The following KAT7 variants were observed in gnomAD, a reference collection of about 807,000 sequenced individuals.
The protein encoded by KAT7 is lysine acetyltransferase 7.
In KAT7, 10 loss-of-function variants were observed where a neutral mutation model predicts 82.1. That is an observed-to-expected ratio of 0.12 (90% CI 0.08 to 0.21). The LOEUF is 0.21. Ranked by LOEUF, KAT7 falls within the 10% of genes least tolerant of loss-of-function variation. The probability of loss-of-function intolerance (pLI) is 1.00; values close to 1 mark genes in which losing one functional copy is unlikely to be tolerated. For synonymous variants in KAT7, 250 were observed against 262.5 expected, an observed-to-expected ratio of 0.95 and a Z score of 0.46; for missense variants, 378 against 760.9, an observed-to-expected ratio of 0.50 and a Z score of 5.92.
chr17:49,790,931 T>C (rs1739004076), intron 1 of KAT7, among the ~76,000 whole-genome samples: 1 of 152,226 alleles, frequency 6.6e-6, no homozygotes, highest in Non-Finnish European at 1.5e-5. Flanking sequence ...AGTGCTTAAT[T>C]GATAAAAGTT....
intron 7 of KAT7, among the ~76,000 whole-genome samples, chr17:49,813,319 T>G (rs2074193003): frequency 6.6e-6 from 1 of 152,204 alleles, no homozygotes; most frequent in Non-Finnish European, 1.5e-5. Context: ...GATAATGGCC[T>G]CCAGTTGCAT....
At chr17:49,818,311 C>G (rs2074258744) in intron 9 of KAT7, among the ~76,000 whole-genome samples, 1 of 152,154 alleles carries the variant, frequency 6.6e-6, no homozygotes, top group Non-Finnish European at 1.5e-5. Context: ...TATGAATTAC[C>G]TCTGCCCACA....
chr17:49,795,978 T>TA (rs59446658), intron 2 of KAT7, among the ~76,000 whole-genome samples: 87 of 149,104 alleles, frequency 5.8e-4, no homozygotes, highest in South Asian at 8.5e-4. Context: ...TGTCTCTTTA[T>TA]AAAAAAAAAA....
Position 49,830,363 on chromosome 17 carries a change from A to T in KAT7, c.*2861A>T, listed in dbSNP as rs1402939957. 6.6e-6 allele frequency: 1 copy of T among 150,748 alleles called. No individual in the cohort carries two copies. The highest frequency in any genetic ancestry group is 1.5e-5 in the Non-Finnish European group (1 of 67,826). 9.3% of individuals were successfully genotyped at this position (150,748 alleles called of 1,614,324 possible). Reference sequence around the variant, plus strand: ...TGCAGGCCACCTGGCTAATTTTTGTATGTTTAGTAGAGACAGGGTTTTGCC... The same window carrying T: ...TGCAGGCCACCTGGCTAATTTTTGTTTGTTTAGTAGAGACAGGGTTTTGCC... On this transcript the variant is annotated 3_prime_UTR_variant, in exon 15 of 15. Coordinates refer to ENST00000259021, the MANE Select transcript of KAT7 (RefSeq NM_007067.5).
chr17:49,819,303 A>G (rs1435784551), intron 9 of KAT7, among the ~76,000 whole-genome samples: 1 of 152,144 alleles, frequency 6.6e-6, no homozygotes, highest in Non-Finnish European at 1.5e-5. Context: ...GGCACACTTG[A>G]CTGCATAGGG....
Position 49,788,746 on chromosome 17 carries a change from C to CA in KAT7, c.-88dup, listed in dbSNP as rs534217280. On this transcript the variant is annotated 5_prime_UTR_variant, in exon 1 of 15. Transcript: ENST00000259021. The stretch of plus-strand genomic sequence containing the variant: ...ATCGTCCGCAGGATTGGGACTGATA[C>CA]AGAGGCCGCCACGGAGCCCGCCGGA... 1,255 of 1,436,002 alleles carry CA rather than the reference C, an allele frequency of 8.7e-4. 8 individuals are homozygous for CA. The Middle Eastern group carries it at 0.012, about 14-fold the overall frequency. 89.0% of individuals were successfully genotyped at this position (1,436,002 alleles called of 1,614,324 possible).
At chr17:49,801,498 C>CT (rs890659929) in intron 4 of KAT7, among the ~76,000 whole-genome samples, 18 of 150,818 alleles carry the variant, frequency 1.2e-4, no homozygotes, top group African/African-American at 2.0e-4. Context: ...CCAAAGTATC[C>CT]TTTTTTTTTG....
chr17:49,798,143 A>G (rs1328950341), intron 3 of KAT7, among the ~76,000 whole-genome samples, 176 bp from the exon 4 acceptor site: 2 of 152,258 alleles, frequency 1.3e-5, no homozygotes, highest in African/African-American at 4.8e-5. Context: ...AAGTTGCACA[A>G]AATGGATGGT....
chr17:49,793,236 A>G (rs1342328333), intron 2 of KAT7, among the ~76,000 whole-genome samples: 2 of 152,244 alleles, frequency 1.3e-5, no homozygotes, highest in African/African-American at 4.8e-5. Context: ...GCCCACTTCT[A>G]AAACCATGTT....
chr17:49,827,337 G>A (rs1439583336), intron 14 of KAT7, 64 bp from the exon 15 acceptor site: 2 of 939,364 alleles, frequency 2.1e-6, no homozygotes, highest in Non-Finnish European at 3.5e-6. Context: ...TAGTTATTTT[G>A]GAATCTATGT....
chr17:49,825,427 A>T (rs2074357185), intron 12 of KAT7, among the ~76,000 whole-genome samples: 1 of 152,214 alleles, frequency 6.6e-6, no homozygotes, highest in Non-Finnish European at 1.5e-5. Context: ...CATTATCAAA[A>T]TAATGGTGAA....
Position 49,815,800 on chromosome 17 carries a change from T to C in KAT7, c.853-3T>C, listed in dbSNP as rs2074226455. 3.2e-6 allele frequency: 5 copies of C among 1,579,452 alleles called. No homozygotes were observed. Among genetic ancestry groups the C allele is most frequent in the Non-Finnish European group, 4.3e-6 (5 of 1,150,030 alleles). ...GAGTATCACGCTCTGGTTATTTTCC[T>C]AGGAACACAGACAGACCTATGGGAA... On this transcript the variant is annotated splice_region_variant and splice_polypyrimidine_tract_variant and intron_variant, in intron 7 of 14. Coordinates refer to ENST00000259021, the MANE Select transcript of KAT7 (RefSeq NM_007067.5).
Position 49,788,802 on chromosome 17 carries a change from C to T in KAT7, c.-33C>T. The T allele has an allele frequency of 6.3e-7, 1 of 1,577,250 alleles. No homozygotes were observed. The highest frequency in any genetic ancestry group is 8.6e-7 in the Non-Finnish European group (1 of 1,161,340). On this transcript the variant is annotated 5_prime_UTR_variant, in exon 1 of 15. Transcript: ENST00000259021. ...CGTTCCTGCTGCTGCCGCCGCTGCC[C>T]GAATCGGAACCGTCGGGCCGCAGCC...
At chr17:49,823,571 A>G (rs1037823898) in intron 12 of KAT7, 5 of 332,152 alleles carry the variant, frequency 1.5e-5, no homozygotes, top group Non-Finnish European at 2.2e-5. Context: ...ACTTTTAAAC[A>G]GCACATACAT....
intron 12 of KAT7, among the ~76,000 whole-genome samples, chr17:49,825,154 C>A (rs2074353939): frequency 6.6e-6 from 1 of 151,992 alleles, no homozygotes; most frequent in Non-Finnish European, 1.5e-5. Context: ...TAAAAGGGTT[C>A]CCCAGATTAT....
rs2074399312 is a variant in KAT7 at position 49,828,889 on chromosome 17, C to G, written c.*1387C>G. The G allele has an allele frequency of 6.5e-6, 1 of 153,338 alleles. No homozygotes were observed. Among genetic ancestry groups the G allele is most frequent in the South Asian group, 2.1e-4 (1 of 4,830 alleles). The allele number at this position is 153,338 out of a possible 1,614,324, so 9.5% of individuals were successfully genotyped here. A position where few individuals can be genotyped will look rare whatever the true frequency, so the allele number is the denominator to read the frequency against. On this transcript the variant is annotated 3_prime_UTR_variant, in exon 15 of 15. Coordinates refer to ENST00000259021, the MANE Select transcript of KAT7 (RefSeq NM_007067.5). ...GTCATCTCTGTACACTACTTATATTCACTGTGGGTTGGGGGAGCTAATTTT... is the reference window on the plus strand; with the variant it reads ...GTCATCTCTGTACACTACTTATATTGACTGTGGGTTGGGGGAGCTAATTTT...
intron 11 of KAT7, 70 bp downstream of exon 11, chr17:49,821,860 C>G (rs1323088535): frequency 7.2e-7 from 1 of 1,387,188 alleles, no homozygotes; most frequent in African/African-American, 1.4e-5. Context: ...GTTGGGGGCT[C>G]AAATCACTGA....
In KAT7 at chr17:49,823,518, A is replaced by G. The variant is rs12941596; in HGVS notation, c.1480+223A>G. 0.033 allele frequency: 15,321 copies of G among 459,520 alleles called. 373 individuals carry two copies. The highest frequency in any genetic ancestry group is 0.04 in the Non-Finnish European group (10,181 of 255,412). 28.5% of individuals were successfully genotyped at this position (459,520 alleles called of 1,614,324 possible). On this transcript the variant is annotated intron_variant, in intron 12 of 14. Transcript: ENST00000259021. ...CTCCTCCTTAATGAGTAGGAGGTAC[A>G]GAGGATGATAAAGTAAGCTCTTTAG...
chr17:49,798,496 G>A lies in KAT7; in HGVS notation c.518G>A (p.Arg173His). ...GATCTCTCTCATCGCCCCAAGCGCC[G>A]TCGCTTCCATGAAAGCTACAACTTC... ...GSDLSHRPKRRRFHESYNFNM... is the reference protein window; with the variant it reads ...GSDLSHRPKRHRFHESYNFNM... Residue 173 changes from arginine to histidine, a missense_variant, in exon 4 of 15, where the codon CGT becomes CAT. By Grantham distance (29) the Arg-to-His change is conservative. This residue lies in a region of KAT7 where 161 missense variants were observed against 229.6 expected (regional missense o/e 0.70). Transcript: ENST00000259021. 4 of 1,614,010 alleles carry A rather than the reference G, an allele frequency of 2.5e-6. No homozygotes were observed. The highest frequency in any genetic ancestry group is 3.4e-6 in the Non-Finnish European group (4 of 1,179,912).
Sources: allele counts gnomAD v4.1 joint callset (sites outside exome capture counted in the v4.1 genomes callset), GRCh38; gene constraint gnomAD v4.1.1; regional missense constraint gnomAD v4.1.1; transcripts MANE v1.5; gene names NCBI Gene and HGNC (gene_info 2026-07-23, HGNC 2026-07-21).